The following HECW2 variants were observed in gnomAD, a reference collection of about 807,000 sequenced individuals.
HECW2 encodes the protein HECT, C2 and WW domain containing E3 ubiquitin protein ligase 2.
In HECW2, 61 loss-of-function variants were observed where a neutral mutation model predicts 175.2. The ratio of observed to expected loss-of-function variants is 0.35; its 90% CI spans 0.28 to 0.43. The LOEUF (loss-of-function observed/expected upper bound fraction) is 0.43, where lower values mean the gene tolerates loss of function less well. Among genes scored for constraint, HECW2 ranks in the 20% least tolerant of loss-of-function variants. The pLI is 1.00. For missense variants in HECW2, 1,524 were observed against 2,000.5 expected, an observed-to-expected ratio of 0.76 and a Z score of 4.54; for synonymous variants, 671 against 731.0, an observed-to-expected ratio of 0.92 and a Z score of 1.32.
intron 13 of HECW2, among the ~76,000 whole-genome samples, chr2:196,293,772 G>A (rs1464059396): frequency 5.3e-5 from 8 of 152,180 alleles, no homozygotes; most frequent in Non-Finnish European, 1.0e-4. Context: ...TATTGGACTA[G>A]GTTATTGGCT....
chr2:196,523,059 T>G (rs1341910130), intron 1 of HECW2, among the ~76,000 whole-genome samples: 2 of 151,732 alleles, frequency 1.3e-5, no homozygotes, highest in African/African-American at 4.9e-5. Flanking sequence ...ATCTGTAAAT[T>G]ACCTTGGGCA....
At chr2:196,580,290 A>G (rs1342896782) in intron 1 of HECW2, among the ~76,000 whole-genome samples, 1 of 152,214 alleles carries the variant, frequency 6.6e-6, no homozygotes, top group Non-Finnish European at 1.5e-5. Context: ...AAGGACAGTT[A>G]TAACACCAAA....
At chr2:196,438,640 A>G (rs890604400) in intron 1 of HECW2, among the ~76,000 whole-genome samples, 1 of 152,238 alleles carries the variant, frequency 6.6e-6, no homozygotes, top group African/African-American at 2.4e-5. Flanking sequence ...CTAGCTGACA[A>G]TAATGTGCTA....
chr2:196,292,853 T>C, intron 13 of HECW2, 103 bp from the exon 14 acceptor site: 1 of 871,184 alleles, frequency 1.1e-6, no homozygotes. Context: ...AGTAATGAAA[T>C]GCATATATAA....
chr2:196,379,231 C>CA (rs1194720851), intron 2 of HECW2, among the ~76,000 whole-genome samples: 3 of 152,086 alleles, frequency 2.0e-5, no homozygotes, highest in Non-Finnish European at 4.4e-5. Flanking sequence ...ATTTACAGTT[C>CA]AAAAACAGGC....
chr2:196,443,188 A>G (rs999199107), intron 1 of HECW2, among the ~76,000 whole-genome samples: 5 of 152,248 alleles, frequency 3.3e-5, no homozygotes, highest in African/African-American at 9.6e-5. Context: ...CCAAAACTGA[A>G]GGCAGTTGGG....
At chr2:196,427,706 G>A (rs1404024146) in intron 2 of HECW2, among the ~76,000 whole-genome samples, 12 of 152,044 alleles carry the variant, frequency 7.9e-5, no homozygotes, top group Non-Finnish European at 1.6e-4. Context: ...AGTGATTTCC[G>A]CAAACCATCT....
intron 1 of HECW2, among the ~76,000 whole-genome samples, chr2:196,491,472 G>GTGTATATA (rs1553524433): frequency 1.5e-4 from 20 of 137,090 alleles, no homozygotes; most frequent in African/African-American, 5.3e-4. Flanking sequence ...TTAGGTGTGT[G>GTGTATATA]TATATATATA....
chr2:196,275,996 G>C (rs2105977393), intron 15 of HECW2, among the ~76,000 whole-genome samples: 1 of 152,278 alleles, frequency 6.6e-6, no homozygotes, highest in East Asian at 1.9e-4. Context: ...AATGAATACA[G>C]CTATTCTCTG....
At chr2:196,590,540 G>A (rs1327658550) in intron 1 of HECW2, among the ~76,000 whole-genome samples, 1 of 152,204 alleles carries the variant, frequency 6.6e-6, no homozygotes, top group East Asian at 1.9e-4. Context: ...AGCCCCAGGC[G>A]AGAAGCCTCT....
rs1382478870 is a variant in HECW2, at chr2:196,200,050, G to A, written c.*1227C>T. On this transcript the variant is annotated 3_prime_UTR_variant, in exon 29 of 29. Transcript: ENST00000644978. ...AAATAAAAAGCAGTGGGGGAAATAC[G>A]AAATATCTGTATTAAATGCCATCCT... is the stretch of plus-strand genomic sequence containing the variant. 6.6e-6 allele frequency: 1 copy of A among 152,544 alleles called. No homozygotes were observed. Among genetic ancestry groups the A allele is most frequent in the African/African-American group, 2.4e-5 (1 of 41,444 alleles). 9.4% of individuals were successfully genotyped at this position (152,544 alleles called of 1,614,324 possible).
At chr2:196,272,689 C>T (rs1250530703) in intron 16 of HECW2, among the ~76,000 whole-genome samples, 5 of 152,024 alleles carry the variant, frequency 3.3e-5, no homozygotes, top group Non-Finnish European at 7.4e-5. Context: ...AGAAATACTA[C>T]CTGCTAAAAT....
rs1693929072 is a variant in HECW2 at position 196,372,304 on chromosome 2, G to A, written c.293-28540C>T. ...ACGGATCTCATTTTGTGGTTTCCCTGCCTCCTAGTAAACTTTGAATCATAA... is the reference window on the plus strand; with the variant it reads ...ACGGATCTCATTTTGTGGTTTCCCTACCTCCTAGTAAACTTTGAATCATAA... On this transcript the variant is annotated intron_variant, in intron 2 of 28. Transcript: ENST00000644978. Among the ~76,000 whole-genome samples the A allele has an allele frequency of 2.0e-5, 3 of 152,136 alleles. No individual in the cohort carries two copies. The South Asian group carries it at 6.2e-4, about 31-fold the overall frequency.
At chr2:196,410,253 A>T (rs1170545790) in intron 2 of HECW2, among the ~76,000 whole-genome samples, 1 of 152,234 alleles carries the variant, frequency 6.6e-6, no homozygotes, top group African/African-American at 2.4e-5. Flanking sequence ...AGAAAAATGC[A>T]TGTAACATAT....
At chr2:196,592,809 G>A (rs1239354004) in intron 1 of HECW2, 1 of 151,256 alleles carries the variant, frequency 6.6e-6, no homozygotes, top group Non-Finnish European at 1.5e-5. Context: ...TGCGGGTGGG[G>A]ACCCGGCCGC....
At chr2:196,555,897 G>C (rs1329235329) in intron 1 of HECW2, among the ~76,000 whole-genome samples, 2 of 152,080 alleles carry the variant, frequency 1.3e-5, no homozygotes, top group Non-Finnish European at 2.9e-5. Context: ...TATCTTTCTT[G>C]ATCTCTGTGC....
chr2:196,242,358 A>G (rs2290511), intron 19 of HECW2, 154 bp from the exon 20 acceptor site: 838,445 of 933,776 alleles, frequency 0.9, 378,932 homozygotes, highest in Non-Finnish European at 0.93. Flanking sequence ...GAAGGATATA[A>G]CAAACCTCAA....
chr2:196,229,612 T>G (rs112297637), intron 21 of HECW2, among the ~76,000 whole-genome samples: 7,593 of 152,208 alleles, frequency 0.05, 625 homozygotes, highest in African/African-American at 0.17. Context: ...CCCAAGAGTT[T>G]GAGGCTGCGT....
At chr2:196,209,760 TCTTTC>T (rs375494565) in intron 28 of HECW2, among the ~76,000 whole-genome samples, 6 of 140,448 alleles carry the variant, frequency 4.3e-5, no homozygotes, top group African/African-American at 1.6e-4. Flanking sequence ...TTTCTTTCTT[TCTTTC>T]TTTTTTTTTT....
Sources: gnomAD v4.1 joint callset for allele counts (sites outside exome capture counted in the v4.1 genomes callset) on GRCh38, gnomAD v4.1.1 for gene constraint, MANE v1.5 for transcripts, NCBI Gene and HGNC (gene_info 2026-07-23, HGNC 2026-07-21) for gene names.